NTRK3: variants seen among roughly 807,000 people sequenced by gnomAD.
NTRK3 encodes NT-3 growth factor receptor.
In NTRK3, 24 loss-of-function variants were observed where a neutral mutation model predicts 91.7. That is an observed-to-expected ratio of 0.26 (90% CI 0.19 to 0.37). The LOEUF (loss-of-function observed/expected upper bound fraction) is 0.37. Among genes scored for constraint, NTRK3 ranks in the 10% least tolerant of loss-of-function variants. The pLI is 1.00. For missense variants in NTRK3, 880 were observed against 1,068.9 expected (o/e 0.82, Z 2.46); for synonymous variants, 483 against 404.0 (o/e 1.20, Z -2.34).
intron 17 of NTRK3, among the ~76,000 whole-genome samples, chr15:87,886,544 G>A (rs985330898): frequency 6.6e-6 from 1 of 150,764 alleles, no homozygotes; most frequent in African/African-American, 2.5e-5. Context: ...TGTATATGTG[G>A]ATACAGATGC....
exon 17 of NTRK3, chr15:87,929,389 G>C (rs2068596732): frequency 6.2e-7 from 1 of 1,614,100 alleles, no homozygotes; most frequent in Non-Finnish European, 8.5e-7. Flanking sequence ...CCTTGGCCTG[G>C]CGTGGCTGTC....
intron 17 of NTRK3, among the ~76,000 whole-genome samples, chr15:87,907,398 A>G (rs962778686): frequency 2.0e-5 from 3 of 152,298 alleles, no homozygotes; most frequent in African/African-American, 4.8e-5. Flanking sequence ...AGAGAAACCT[A>G]TAAAACTGAT....
intron 13 of NTRK3, among the ~76,000 whole-genome samples, chr15:88,067,102 T>G (rs2046714890): frequency 6.6e-6 from 1 of 152,210 alleles, no homozygotes; most frequent in East Asian, 1.9e-4. Context: ...ACAGCATGGC[T>G]TCTGGAAGTA....
chr15:87,904,590 G>A (rs1268385124), intron 17 of NTRK3, among the ~76,000 whole-genome samples: 4 of 152,292 alleles, frequency 2.6e-5, no homozygotes, highest in Admixed American at 1.3e-4. Flanking sequence ...TTCCCAGACC[G>A]AGGCACACTC....
chr15:87,945,537 G>A (rs923896631), intron 14 of NTRK3, among the ~76,000 whole-genome samples: 3 of 152,124 alleles, frequency 2.0e-5, no homozygotes, highest in Non-Finnish European at 2.9e-5. Context: ...AGAGCCCTGA[G>A]AGGTCAGTGG....
At chr15:88,079,885 G>T (rs2047892451) in intron 13 of NTRK3, among the ~76,000 whole-genome samples, 1 of 152,036 alleles carries the variant, frequency 6.6e-6, no homozygotes, top group Non-Finnish European at 1.5e-5. Context: ...CAATTAAATG[G>T]CTGGCATATA....
At chr15:87,954,013 T>A (rs2071410443) in intron 14 of NTRK3, among the ~76,000 whole-genome samples, 1 of 74,534 alleles carries the variant, frequency 1.3e-5, no homozygotes, top group Admixed American at 1.1e-4. Flanking sequence ...TTTCAGTGTG[T>A]GTGTGTGTGT....
At chr15:88,128,870 C>T (rs928387329) in intron 10 of NTRK3, 136 bp from the exon 11 acceptor site, 8 of 784,524 alleles carry the variant, frequency 1.0e-5, no homozygotes, top group Admixed American at 9.3e-5. Flanking sequence ...AACTAAAATG[C>T]ATGGCACATC....
exon 19 of NTRK3, chr15:87,873,202 A>T (rs182346443): frequency 8.6e-6 from 2 of 231,792 alleles, no homozygotes; most frequent in East Asian, 1.2e-4. Context: ...ACCTGAACCC[A>T]GAAGGACCAA....
At chr15:88,129,241 T>A (rs2053585534) in intron 10 of NTRK3, among the ~76,000 whole-genome samples, 1 of 152,204 alleles carries the variant, frequency 6.6e-6, no homozygotes, top group South Asian at 2.1e-4. Context: ...CTGCAGATGG[T>A]AACATGTTAT....
chr15:87,873,929 A>C (rs1446862536), exon 19 of NTRK3: 1 of 230,232 alleles, frequency 4.3e-6, no homozygotes, highest in East Asian at 6.2e-5. Flanking sequence ...CACCTATGCA[A>C]GGCTGTCCTG....
intron 13 of NTRK3, among the ~76,000 whole-genome samples, chr15:88,114,977 C>T (rs1448320606): frequency 6.6e-6 from 1 of 152,184 alleles, no homozygotes; most frequent in Non-Finnish European, 1.5e-5. Flanking sequence ...ATCAAGTTTA[C>T]TCTGTAAGTC....
Position 88,051,563 on chromosome 15 carries a change from T to G in NTRK3, c.1397-18518A>C, listed in dbSNP as rs151161233. ...TGCTGCTCTGTTAACTAATGCCATC[T>G]TGGTCATGCCTCTTAAACTAAGTAT... is the stretch of plus-strand genomic sequence containing the variant. On this transcript the variant is annotated intron_variant, in intron 13 of 18. Coordinates refer to ENST00000394480, the Ensembl canonical transcript of NTRK3. Among the ~76,000 whole-genome samples the G allele has an allele frequency of 3.1e-3, 473 of 152,372 alleles. 10 individuals carry two copies. The highest frequency in any genetic ancestry group is 0.028 in the Admixed American group (425 of 15,308).
chr15:88,006,812 C>T (rs2141698910), intron 14 of NTRK3, among the ~76,000 whole-genome samples: 1 of 152,320 alleles, frequency 6.6e-6, no homozygotes, highest in South Asian at 2.1e-4. Flanking sequence ...TACAGACTCA[C>T]ACATGCACAG....
chr15:87,860,620 T>G (rs1351102164), exon 19 of NTRK3: 3 of 206,140 alleles, frequency 1.5e-5, no homozygotes, highest in African/African-American at 4.6e-5. Flanking sequence ...AAAATCAGCA[T>G]AGCCAATGCA....
intron 14 of NTRK3, among the ~76,000 whole-genome samples, chr15:87,976,437 T>G (rs1173307916): frequency 6.6e-6 from 1 of 152,210 alleles, no homozygotes; most frequent in Non-Finnish European, 1.5e-5. Context: ...TCATCTCTAC[T>G]GCCTCAATGA....
At chr15:88,087,658 C>T (rs1369133222) in intron 13 of NTRK3, among the ~76,000 whole-genome samples, 19 of 152,206 alleles carry the variant, frequency 1.2e-4, no homozygotes, top group South Asian at 2.1e-4. Context: ...AAGGGTCATA[C>T]CTGCATCAGC....
At chr15:87,976,512 C>A (rs538650444) in intron 14 of NTRK3, among the ~76,000 whole-genome samples, 15 of 152,164 alleles carry the variant, frequency 9.9e-5, no homozygotes, top group African/African-American at 3.6e-4. Flanking sequence ...AGCCTTTTCC[C>A]GGCCCGCATT....
At chr15:87,889,610 T>C (rs985380452) in intron 17 of NTRK3, among the ~76,000 whole-genome samples, 7 of 151,932 alleles carry the variant, frequency 4.6e-5, no homozygotes, top group Admixed American at 4.6e-4. Context: ...TCATAATGCA[T>C]GGGCTGAGTT....
Sources: gnomAD v4.1 joint callset for allele counts (sites outside exome capture counted in the v4.1 genomes callset) on GRCh38, gnomAD v4.1.1 for gene constraint, MANE v1.5 for transcripts, NCBI Gene and HGNC (gene_info 2026-07-23, HGNC 2026-07-21) for gene names.